Variants in PTPN13 observed in about 807,000 individuals in gnomAD.
PTPN13 encodes the protein protein tyrosine phosphatase non-receptor type 13, also known as tyrosine-protein phosphatase non-receptor type 13.
Under a neutral mutation model 284.0 loss-of-function variants are expected in PTPN13, and 191 were observed. The ratio of observed to expected loss-of-function variants is 0.67; its 90% confidence interval spans 0.60 to 0.76. The LOEUF (loss-of-function observed/expected upper bound fraction) is 0.76. Ranked by LOEUF, PTPN13 falls within the 30% of genes least tolerant of loss-of-function variation. The pLI, the probability that PTPN13 is intolerant of heterozygous loss-of-function variation, is 0.00. For synonymous variants in PTPN13, 986 were observed against 1,022.3 expected (o/e 0.96, Z 0.68); for missense variants, 2,797 against 2,939.9 (o/e 0.95, Z 1.12).
chr4:86,747,199 A>G (rs1736865128), intron 17 of PTPN13, among the ~76,000 whole-genome samples: 1 of 152,274 alleles, frequency 6.6e-6, no homozygotes, highest in Non-Finnish European at 1.5e-5. Flanking sequence ...TATAGCAGTT[A>G]AGAGCATGAG....
intron 14 of PTPN13, 61 bp downstream of exon 14, chr4:86,734,936 T>A: frequency 1.3e-6 from 2 of 1,548,016 alleles, no homozygotes; most frequent in Admixed American, 3.5e-5. Flanking sequence ...TTAACATAGT[T>A]AATGACTAAA....
At chr4:86,700,994 A>G (rs773877406) in intron 6 of PTPN13, among the ~76,000 whole-genome samples, 1 of 152,202 alleles carries the variant, frequency 6.6e-6, no homozygotes, top group Non-Finnish European at 1.5e-5. Flanking sequence ...ATAAAATAAT[A>G]CCACTCAAAA....
At position 86,639,166 on chromosome 4, in the gene PTPN13, G is replaced by C. The variant is rs1723431869; in HGVS notation, c.115+3795G>C. 4.0e-5 allele frequency among the ~76,000 whole-genome samples: 6 copies of C among 151,708 alleles called. No homozygotes were observed. The South Asian group carries it at 1.0e-3, about 26-fold the overall frequency. On this transcript the variant is annotated intron_variant, in intron 2 of 47. Transcript: ENST00000411767. ...CAGTTAGAATGGCAATCATTAAAAAGTCAGGAAACAACAGGTGCTGGAGAG... is the reference window on the plus strand; with the variant it reads ...CAGTTAGAATGGCAATCATTAAAAACTCAGGAAACAACAGGTGCTGGAGAG...
chr4:86,814,642 C>A lies in PTPN13; in HGVS notation c.*91C>A. ...ATCCAAAATAAAGATCACAGAGCAG[C>A]AAGTTCATACAACATGCATGTTCTC... On this transcript the variant is annotated 3_prime_UTR_variant, in exon 48 of 48. Coordinates refer to ENST00000411767, the MANE Select transcript of PTPN13 (RefSeq NM_080683.3). 1.0e-6 allele frequency: 1 copy of A among 960,332 alleles called. No individual in the cohort carries two copies. Among genetic ancestry groups the A allele is most frequent in the Non-Finnish European group, 1.6e-6 (1 of 623,642 alleles). 59.5% of individuals were successfully genotyped at this position (960,332 alleles called of 1,614,324 possible).
chr4:86,716,657 T>G, intron 8 of PTPN13, 32 bp downstream of exon 8: 1 of 1,312,522 alleles, frequency 7.6e-7, no homozygotes, highest in Non-Finnish European at 1.1e-6. Flanking sequence ...CAAACTGTTT[T>G]TAAGAAACCA....
intron 10 of PTPN13, among the ~76,000 whole-genome samples, chr4:86,727,465 CTA>C: frequency 6.7e-6 from 1 of 149,298 alleles, no homozygotes; most frequent in East Asian, 1.9e-4. Context: ...GGTTGGTAGG[CTA>C]TTAATTATTG....
intron 13 of PTPN13, 67 bp from the exon 14 acceptor site, chr4:86,734,670 T>A: frequency 6.5e-7 from 1 of 1,534,264 alleles, no homozygotes; most frequent in Non-Finnish European, 8.8e-7. Context: ...CTTACATGCC[T>A]ATAATAAAAA....
chr4:86,735,488 A>G, intron 14 of PTPN13, 106 bp from the exon 15 acceptor site: 1 of 1,151,994 alleles, frequency 8.7e-7, no homozygotes, highest in Admixed American at 2.7e-5. Context: ...AGGTAGAAAT[A>G]GAAGTACTTC....
intron 2 of PTPN13, among the ~76,000 whole-genome samples, chr4:86,655,888 G>A (rs1277173777): frequency 6.6e-6 from 1 of 152,146 alleles, no homozygotes; most frequent in African/African-American, 2.4e-5. Context: ...CCAATCAGAC[G>A]TAGATTTGGT....
chr4:86,701,240 G>C lies in PTPN13; in HGVS notation c.635-1G>C. 1 of 1,544,008 alleles carries C rather than the reference G, an allele frequency of 6.5e-7. No homozygotes were observed. Among genetic ancestry groups the C allele is most frequent in the Non-Finnish European group, 8.7e-7 (1 of 1,147,944 alleles). On this transcript the variant is annotated splice_acceptor_variant, in intron 6 of 47. Coordinates refer to ENST00000411767, the MANE Select transcript of PTPN13 (RefSeq NM_080683.3). LOFTEE classifies it high-confidence loss of function. ...TACATGATAGATTCTTATCATTCCA[G>C]GAAGAAGCTCTACTTCTGATGTACT...
In PTPN13 at chr4:86,776,774, C is replaced by A. The variant is rs1740698868; in HGVS notation, c.5891+1122C>A. ...TATTTTATAATAAAGTGTTGAATAT[C>A]TCATGTAATTTATTGAATACTGTAA... is the stretch of plus-strand genomic sequence containing the variant. On this transcript the variant is annotated intron_variant, in intron 35 of 47. Transcript: ENST00000411767. Among the ~76,000 whole-genome samples the A allele has an allele frequency of 2.6e-5, 4 of 152,166 alleles. No individual in the cohort carries two copies. In the South Asian group the frequency reaches 6.2e-4, roughly 24 times the overall value.
chr4:86,784,632 C>G, intron 38 of PTPN13, 74 bp downstream of exon 38: 1 of 948,920 alleles, frequency 1.1e-6, no homozygotes, highest in Non-Finnish European at 1.6e-6. Context: ...AAATAGGTAT[C>G]CTCTTTTCTT....
At chr4:86,676,637 TA>T (rs1387153482) in intron 3 of PTPN13, among the ~76,000 whole-genome samples, 1 of 151,924 alleles carries the variant, frequency 6.6e-6, no homozygotes, top group Non-Finnish European at 1.5e-5. Flanking sequence ...GATGAATGGA[TA>T]AAAAAAACTG....
At chr4:86,712,685 C>G (rs1186132526) in intron 7 of PTPN13, among the ~76,000 whole-genome samples, 1 of 152,016 alleles carries the variant, frequency 6.6e-6, no homozygotes, top group African/African-American at 2.4e-5. Flanking sequence ...TACTATAAAG[C>G]AGTAAAGTAT....
Position 86,771,490 on chromosome 4 carries a change from T to G in PTPN13, c.5123T>G (p.Phe1708Cys). 1 of 1,568,756 alleles carries G rather than the reference T, an allele frequency of 6.4e-7. No individual in the cohort carries two copies. Among genetic ancestry groups the G allele is most frequent in the South Asian group, 1.2e-5 (1 of 85,594 alleles). The change falls in exon 31 of 48, where the codon TTT becomes TGT. Residue 1708 changes from phenylalanine to cysteine, a missense_variant. Transcript: ENST00000411767. ...CAAGAAGATACCATTTGTACCATGT[T>G]TTACTATCCTCAGAAAATTCCCAAT... ...KSQEDTICTM[F>C]YYPQKIPNKP...
At chr4:86,787,567 G>A (rs1376109552) in intron 40 of PTPN13, among the ~76,000 whole-genome samples, 1 of 150,726 alleles carries the variant, frequency 6.6e-6, no homozygotes, top group Non-Finnish European at 1.5e-5. Context: ...CCTCCAGCCT[G>A]GGCAACAAGA....
rs1734404320 is a variant in PTPN13, at chr4:86,727,398, C to G, written c.1608+4964C>G. ...GTTTCAGAAGGAATGGTACCAGCTC[C>G]TCTTTGTACCTCTGGTAGAATTCGG... On this transcript the variant is annotated intron_variant, in intron 10 of 47. Coordinates refer to ENST00000411767, the MANE Select transcript of PTPN13 (RefSeq NM_080683.3). 2.0e-5 allele frequency among the ~76,000 whole-genome samples: 3 copies of G among 149,546 alleles called. 1 individual carries two copies. The highest frequency in any genetic ancestry group is 4.5e-5 in the Non-Finnish European group (3 of 66,652).
chr4:86,788,328 G>C (rs564025484), intron 40 of PTPN13, among the ~76,000 whole-genome samples: 41 of 152,168 alleles, frequency 2.7e-4, no homozygotes, highest in African/African-American at 9.6e-4. Flanking sequence ...TTTAGAACTG[G>C]CTAGTTTTAA....
chr4:86,637,004 C>G lies in PTPN13; in HGVS notation c.115+1633C>G, dbSNP rs892424301. On this transcript the variant is annotated intron_variant, in intron 2 of 47. Coordinates refer to ENST00000411767, the MANE Select transcript of PTPN13 (RefSeq NM_080683.3). ...AAAAATGATAAAGGGGATATCACCA[C>G]CGATCCCACAGAAATACAAACTACC... is the stretch of plus-strand genomic sequence containing the variant. Among the ~76,000 whole-genome samples, 3 of 152,076 alleles carry G rather than the reference C, an allele frequency of 2.0e-5. No homozygotes were observed. In the East Asian group the frequency reaches 5.8e-4, roughly 29 times the overall value.
Sources: gnomAD v4.1 joint callset for allele counts (sites outside exome capture counted in the v4.1 genomes callset) on GRCh38, gnomAD v4.1.1 for gene constraint, MANE v1.5 for transcripts, NCBI Gene and HGNC (gene_info 2026-07-23, HGNC 2026-07-21) for gene names.